Variants in CANX observed in about 807,000 individuals in gnomAD.
CANX encodes the protein epididymis secretory sperm binding protein.
Under a neutral mutation model 75.7 loss-of-function variants are expected in CANX, and 14 were observed. The observed-to-expected ratio is 0.19, with a 90% CI of 0.12 to 0.29. The LOEUF (loss-of-function observed/expected upper bound fraction) is 0.29. Among genes scored for constraint, CANX ranks in the 10% least tolerant of loss-of-function variants. The pLI, the probability that CANX is intolerant of heterozygous loss-of-function variation, is 1.00. For synonymous variants in CANX, 227 were observed against 236.9 expected, an observed-to-expected ratio of 0.96 and a Z score of 0.38; for missense variants, 567 against 713.2, an observed-to-expected ratio of 0.79 and a Z score of 2.34.
intron 1 of CANX, chr5:179,700,122 G>A (rs1360998048): frequency 2.0e-5 from 3 of 152,148 alleles, no homozygotes; most frequent in African/African-American, 7.2e-5. Flanking sequence ...GTTCAGTCCT[G>A]TTTCGCAGGA....
At chr5:179,715,910 A>T in intron 7 of CANX, 195 bp from the exon 8 acceptor site, 1 of 675,210 alleles carries the variant, frequency 1.5e-6, no homozygotes. Context: ...AAGCCGAGGG[A>T]CTAATCATTT....
At chr5:179,726,188 T>C (rs1020704385) in intron 13 of CANX, among the ~76,000 whole-genome samples, 6 of 151,184 alleles carry the variant, frequency 4.0e-5, no homozygotes, top group Non-Finnish European at 7.4e-5. Context: ...CTCCGGAGGC[T>C]GAGGTAGGAG....
Position 179,725,903 on chromosome 5 carries a change from A to G in CANX, c.1646-777A>G, listed in dbSNP as rs574955636. Among the ~76,000 whole-genome samples, 99 of 148,368 alleles carry G rather than the reference A, an allele frequency of 6.7e-4. 1 individual carries two copies. In the South Asian group the frequency reaches 0.021, roughly 31 times the overall value. On this transcript the variant is annotated intron_variant, in intron 13 of 14. Coordinates refer to ENST00000247461, the MANE Select transcript of CANX (RefSeq NM_001746.4). ...TTCGGGAGGCTGAAGCAGGAGAATCACTTGAACCCGGAAGGCAGAGGTTGC... is the reference window on the plus strand; with the variant it reads ...TTCGGGAGGCTGAAGCAGGAGAATCGCTTGAACCCGGAAGGCAGAGGTTGC...
intron 1 of CANX, among the ~76,000 whole-genome samples, chr5:179,689,364 T>C (rs1025233404): frequency 7.3e-6 from 1 of 137,138 alleles, no homozygotes; most frequent in Non-Finnish European, 1.6e-5. Flanking sequence ...AAGAGAAAGC[T>C]ACAAAACCCA....
chr5:179,698,568 G>A (rs7701892), upstream of CANX: 3 of 1,289,292 alleles, frequency 2.3e-6, no homozygotes, highest in Non-Finnish European at 3.0e-6. Flanking sequence ...AAGGGCGCGC[G>A]ATGCGTCCCA....
intron 4 of CANX, among the ~76,000 whole-genome samples, chr5:179,707,645 ATTTTTT>A (rs775542894): frequency 9.6e-6 from 1 of 103,630 alleles, no homozygotes; most frequent in Non-Finnish European, 2.0e-5. Flanking sequence ...GTGTTGCCTA[ATTTTTT>A]TTTTTTTTTT....
intron 14 of CANX, among the ~76,000 whole-genome samples, chr5:179,728,263 G>A (rs1437142593): frequency 6.6e-6 from 1 of 152,128 alleles, no homozygotes; most frequent in Non-Finnish European, 1.5e-5. Context: ...CCTCAGAATG[G>A]GGCTAGTGTG....
chr5:179,725,170 C>T (rs894631302), intron 13 of CANX, among the ~76,000 whole-genome samples: 2 of 152,138 alleles, frequency 1.3e-5, no homozygotes, highest in African/African-American at 2.4e-5. Flanking sequence ...GGACCACAGG[C>T]ATGCGCTACC....
chr5:179,728,647 C>T lies in CANX; in HGVS notation c.*3C>T, dbSNP rs1328373866. 2 of 1,603,862 alleles carry T rather than the reference C, an allele frequency of 1.2e-6. No homozygotes were observed. The highest frequency in any genetic ancestry group is 1.7e-6 in the Non-Finnish European group (2 of 1,170,852). On this transcript the variant is annotated 3_prime_UTR_variant, in exon 15 of 15. Coordinates refer to ENST00000247461, the MANE Select transcript of CANX (RefSeq NM_001746.4). ...ACAGAAAGCCACGAAGAGAGTGAAA[C>T]AATCTTAAGAGCTTGATCTGTGATT...
intron 7 of CANX, among the ~76,000 whole-genome samples, chr5:179,710,307 A>C (rs1396523651): frequency 6.6e-6 from 1 of 151,648 alleles, no homozygotes; most frequent in African/African-American, 2.4e-5. Flanking sequence ...CCTGTAACCG[A>C]AGCTAGTTGG....
intron 1 of CANX, among the ~76,000 whole-genome samples, chr5:179,703,955 T>C (rs1218121427): frequency 6.6e-6 from 1 of 152,102 alleles, no homozygotes. Flanking sequence ...CTATGATTGA[T>C]TGGGTGACTG....
rs1470873740 is a variant in CANX at position 179,705,635 on chromosome 5, G to C, written c.-3-44G>C. On this transcript the variant is annotated intron_variant, in intron 1 of 14. Transcript: ENST00000247461. ...GTGGTTAGTGATCTTCATGAAGTTT[G>C]ATAGGTGGCAATACATTTAACTGAT... 3 of 1,474,098 alleles carry C rather than the reference G, an allele frequency of 2.0e-6. No homozygotes were observed. In the South Asian group the frequency reaches 3.7e-5, roughly 18 times the overall value. The allele number at this position is 1,474,098 out of a possible 1,614,324, so 91.3% of individuals were successfully genotyped here. A position where few individuals can be genotyped will look rare whatever the true frequency, so the allele number is the denominator to read the frequency against.
intron 5 of CANX, among the ~76,000 whole-genome samples, chr5:179,708,695 A>C (rs1777323434): frequency 6.6e-6 from 1 of 152,176 alleles, no homozygotes; most frequent in African/African-American, 2.4e-5. Flanking sequence ...TGCCTAATGC[A>C]TTATTTTGAA....
rs139302051 is a variant in CANX at position 179,728,530 on chromosome 5, T to C, written c.1726-61T>C. 1,956 of 1,012,044 alleles carry C rather than the reference T, an allele frequency of 1.9e-3. 8 individuals carry two copies. Among genetic ancestry groups the C allele is most frequent in the Admixed American group, 4.3e-3 (233 of 53,626 alleles). 62.7% of individuals were successfully genotyped at this position (1,012,044 alleles called of 1,614,324 possible). ...CTCAGTCTGGCTGATCTTGAAAATA[T>C]GGTGAACTTTTATTATTTTTTAAAT... On this transcript the variant is annotated intron_variant, in intron 14 of 14. Transcript: ENST00000247461.
upstream of CANX, among the ~76,000 whole-genome samples, chr5:179,695,706 T>A (rs1160262764): frequency 6.6e-6 from 1 of 150,814 alleles, no homozygotes; most frequent in Non-Finnish European, 1.5e-5. Context: ...GCTGGAGTGC[T>A]GTGGCGCAAT....
At chr5:179,689,211 C>T (rs1562438356) in intron 1 of CANX, among the ~76,000 whole-genome samples, 1 of 152,006 alleles carries the variant, frequency 6.6e-6, no homozygotes, top group African/African-American at 2.4e-5. Context: ...CGTGCCACAG[C>T]AGTCCAGTCT....
In CANX at chr5:179,709,935, C is replaced by G. The variant is rs772909275; in HGVS notation, c.591C>G (p.Asp197Glu). The G allele has an allele frequency of 6.2e-7, 1 of 1,613,006 alleles. No individual in the cohort carries two copies. Among genetic ancestry groups the G allele is most frequent in the East Asian group, 2.2e-5 (1 of 44,868 alleles). ...IMFGPDKCGE[D>E]YKLHFIFRHK... ...TTGGTCCAGATAAATGTGGAGAGGACTATAAACTGCACTTCATCTTCCGAC... is the reference window on the plus strand; with the variant it reads ...TTGGTCCAGATAAATGTGGAGAGGAGTATAAACTGCACTTCATCTTCCGAC... The change falls in exon 7 of 15, where the codon GAC becomes GAG. Residue 197 changes from aspartate (D) to glutamate (E), a missense_variant. Transcript: ENST00000247461.
intron 4 of CANX, 99 bp from the exon 5 acceptor site, chr5:179,708,140 G>T: frequency 1.0e-6 from 1 of 966,444 alleles, no homozygotes; most frequent in Admixed American, 1.9e-5. Context: ...GGCTGCCCCA[G>T]TATAATATAT....
chr5:179,722,718 A>G, intron 10 of CANX, 86 bp from the exon 11 acceptor site: 2 of 817,606 alleles, frequency 2.4e-6, no homozygotes, highest in East Asian at 2.6e-5. Context: ...TCCATTGTTC[A>G]TGCAAAATTT....
Sources: gnomAD v4.1 joint callset for allele counts (sites outside exome capture counted in the v4.1 genomes callset) on GRCh38, gnomAD v4.1.1 for gene constraint, MANE v1.5 for transcripts, NCBI Gene and HGNC (gene_info 2026-07-23, HGNC 2026-07-21) for gene names.